Variants in ARMC3 observed in about 807,000 individuals in gnomAD.
The protein encoded by ARMC3 is armadillo repeat-containing protein 3.
In ARMC3, 74 loss-of-function variants were observed where a neutral mutation model predicts 90.3. That is an observed-to-expected ratio of 0.82 (90% CI 0.68 to 0.99). The LOEUF (loss-of-function observed/expected upper bound fraction) is 0.99, where lower values mean the gene tolerates loss of function less well. ARMC3 is among the 50% of genes least tolerant of loss of function. The pLI is 0.00. For synonymous variants in ARMC3, 334 were observed against 361.8 expected (o/e 0.92, Z 0.87); for missense variants, 958 against 1,042.8 (o/e 0.92, Z 1.12).
chr10:23,018,797 T>C (rs1488977496), intron 16 of ARMC3, among the ~76,000 whole-genome samples: 1 of 152,200 alleles, frequency 6.6e-6, no homozygotes, highest in Non-Finnish European at 1.5e-5. Context: ...ATTACAGGCG[T>C]GAGCCACCAT....
intron 13 of ARMC3, among the ~76,000 whole-genome samples, chr10:23,004,687 T>A (rs1353423241): frequency 1.3e-5 from 2 of 152,172 alleles, no homozygotes; most frequent in South Asian, 4.2e-4. Flanking sequence ...TGAGCCCCGG[T>A]TGCAGGAAGC....
intron 10 of ARMC3, among the ~76,000 whole-genome samples, chr10:22,985,133 A>G (rs1343382678): frequency 1.4e-5 from 2 of 147,262 alleles, no homozygotes; most frequent in Admixed American, 7.0e-5. Flanking sequence ...AGCTCAAGCA[A>G]TCCTCCTACC....
chr10:22,968,488 T>C lies in ARMC3; in HGVS notation c.915T>C (p.Asp305=), dbSNP rs774492383. The C allele has an allele frequency of 6.4e-7, 1 of 1,568,236 alleles. No homozygotes were observed. Among genetic ancestry groups the C allele is most frequent in the Non-Finnish European group, 8.6e-7 (1 of 1,161,108 alleles). Residue 305 remains aspartate (D), a splice_region_variant and synonymous_variant, in exon 8 of 19, where the codon GAT becomes GAC. Transcript: ENST00000298032. Reference sequence around the variant, plus strand: ...AAGCCATTACTAAAGCAGCTTATGATCGTATGTCTCATTTTATTTTATTTA... The same window carrying C: ...AAGCCATTACTAAAGCAGCTTATGACCGTATGTCTCATTTTATTTTATTTA... ...AAKAITKAAY[D]PENRKLFHEQ...
intron 1 of ARMC3, among the ~76,000 whole-genome samples, chr10:22,930,570 AAGTTAG>A (rs1833890309): frequency 6.6e-6 from 1 of 152,176 alleles, no homozygotes; most frequent in South Asian, 2.1e-4. Context: ...GTGTGGTCTG[AAGTTAG>A]AGACCTAGAA....
rs189531512 is a variant in ARMC3, at chr10:23,002,104, C to T, written c.1562+49C>T. ...TCTGGCTCAGATGAAGAGCAGAAGA[C>T]GGAGAGGCACACTCTTTAGGCCCAA... On this transcript the variant is annotated intron_variant, in intron 12 of 18. Coordinates refer to ENST00000298032, the MANE Select transcript of ARMC3 (RefSeq NM_173081.5). The T allele has an allele frequency of 6.3e-4, 1,000 of 1,596,466 alleles. 1 individual carries two copies. Among genetic ancestry groups the T allele is most frequent in the Non-Finnish European group, 7.8e-4 (909 of 1,171,824 alleles).
Position 22,989,023 on chromosome 10 carries a change from T to G in ARMC3, c.1175+7323T>G, listed in dbSNP as rs139855761. Among the ~76,000 whole-genome samples, 12 of 152,290 alleles carry G rather than the reference T, an allele frequency of 7.9e-5. No individual in the cohort carries two copies. The East Asian group carries it at 2.3e-3, about 29-fold the overall frequency. On this transcript the variant is annotated intron_variant, in intron 10 of 18. Transcript: ENST00000298032. ...GGTTTTTCATTTTCGGAGAGTTCCA[T>G]TTTCTAACAATGCAAGGAACTGCGT...
At chr10:22,981,179 G>C (rs1564369546) in intron 8 of ARMC3, among the ~76,000 whole-genome samples, 161 bp from the exon 9 acceptor site, 1 of 152,178 alleles carries the variant, frequency 6.6e-6, no homozygotes, top group Non-Finnish European at 1.5e-5. Flanking sequence ...CATAATTACT[G>C]TATTCTAAAG....
Position 23,008,816 on chromosome 10 carries a change from A to C in ARMC3, c.1930A>C (p.Lys644Gln), listed in dbSNP as rs1588913227. The change falls in exon 16 of 19, where the codon AAA (lysine) becomes CAA (glutamine). Residue 644 changes from lysine (K) to glutamine (Q), a missense_variant and splice_region_variant. Physicochemically the swap from Lys to Gln is moderately conservative, Grantham distance 53. Transcript: ENST00000298032. The stretch of plus-strand genomic sequence containing the variant: ...TGTGGTTTTTTTTCAAATGACAAGA[A>C]AAAATAGTTATCATTTTAGTGCTGG... ...LRRSSKEKNK[K>Q]NSYHFSAGFG... The C allele has an allele frequency of 3.7e-6, 6 of 1,610,494 alleles. No individual in the cohort carries two copies. The East Asian group carries it at 1.1e-4, about 30-fold the overall frequency.
chr10:23,020,953 C>G (rs1245280761), intron 16 of ARMC3, among the ~76,000 whole-genome samples: 3 of 152,162 alleles, frequency 2.0e-5, no homozygotes, highest in Non-Finnish European at 4.4e-5. Flanking sequence ...TTCCCCACCT[C>G]TCAACCTCCC....
chr10:22,977,059 C>T (rs542380030), intron 8 of ARMC3, among the ~76,000 whole-genome samples: 8 of 152,234 alleles, frequency 5.3e-5, no homozygotes, highest in South Asian at 2.1e-4. Flanking sequence ...TAACTTTGTT[C>T]GACCATAATT....
chr10:22,968,244 C>A, intron 7 of ARMC3, 62 bp from the exon 8 acceptor site: 1 of 1,481,548 alleles, frequency 6.7e-7, no homozygotes, highest in South Asian at 1.2e-5. Context: ...CTCTTGTAGT[C>A]AAATTTGGGA....
At chr10:22,945,985 T>G (rs190848015) in intron 2 of ARMC3, among the ~76,000 whole-genome samples, 159 bp from the exon 3 acceptor site, 2 of 152,352 alleles carry the variant, frequency 1.3e-5, no homozygotes, top group Admixed American at 6.5e-5. Flanking sequence ...CTCTAGCGGT[T>G]GATGTATTTT....
intron 11 of ARMC3, 123 bp from the exon 12 acceptor site, chr10:23,001,796 C>A: frequency 1.7e-6 from 2 of 1,178,986 alleles, no homozygotes; most frequent in Non-Finnish European, 2.3e-6. Flanking sequence ...TAAAGATAGA[C>A]ACATTCTGAA....
intron 7 of ARMC3, among the ~76,000 whole-genome samples, chr10:22,964,919 T>C (rs1835383563): frequency 6.6e-6 from 1 of 152,178 alleles, no homozygotes; most frequent in Admixed American, 6.5e-5. Flanking sequence ...TACTAGAACC[T>C]TTTAACAATG....
At chr10:22,939,911 A>C (rs759115644) in intron 2 of ARMC3, among the ~76,000 whole-genome samples, 4 of 152,212 alleles carry the variant, frequency 2.6e-5, no homozygotes, top group Non-Finnish European at 5.9e-5. Context: ...AAATAGCAAG[A>C]TGATCAATTA....
At chr10:23,010,494 C>T (rs1837909304) in intron 16 of ARMC3, among the ~76,000 whole-genome samples, 1 of 50,400 alleles carries the variant, frequency 2.0e-5, no homozygotes, top group Admixed American at 1.8e-4. Flanking sequence ...TCCTTCCTTT[C>T]CCTCCCCTCT....
chr10:22,970,220 TA>T (rs1027654140), intron 8 of ARMC3, among the ~76,000 whole-genome samples: 2 of 151,896 alleles, frequency 1.3e-5, no homozygotes, highest in African/African-American at 4.8e-5. Flanking sequence ...CTAGAGTAAA[TA>T]AGATAAATTG....
At chr10:23,032,014 G>T (rs1838941181) in intron 17 of ARMC3, among the ~76,000 whole-genome samples, 1 of 152,152 alleles carries the variant, frequency 6.6e-6, no homozygotes, top group Non-Finnish European at 1.5e-5. Flanking sequence ...TGCTTTGGGA[G>T]GCCAAGATGG....
At chr10:22,986,941 A>C (rs948386081) in intron 10 of ARMC3, among the ~76,000 whole-genome samples, 1 of 152,202 alleles carries the variant, frequency 6.6e-6, no homozygotes, top group African/African-American at 2.4e-5. Context: ...GCAGTGAAAG[A>C]AGGAGAAAGC....
Sources: gnomAD v4.1 joint callset for allele counts (sites outside exome capture counted in the v4.1 genomes callset) on GRCh38, gnomAD v4.1.1 for gene constraint, MANE v1.5 for transcripts, NCBI Gene and HGNC (gene_info 2026-07-23, HGNC 2026-07-21) for gene names.